ALPK2: variants seen among roughly 807,000 people sequenced by gnomAD.
The protein encoded by ALPK2 is alpha kinase 2.
Under a neutral mutation model 163.1 loss-of-function variants are expected in ALPK2, and 127 were observed. The observed-to-expected ratio is 0.78, with a 90% CI of 0.67 to 0.90. The LOEUF (loss-of-function observed/expected upper bound fraction) is 0.90, where lower values mean the gene tolerates loss of function less well. Among genes scored for constraint, ALPK2 ranks in the 40% least tolerant of loss-of-function variants. The pLI is 0.00. For synonymous variants in ALPK2, 953 were observed against 959.1 expected (o/e 0.99, Z 0.12); for missense variants, 2,360 against 2,589.6 (o/e 0.91, Z 1.92).
At position 58,537,327 on chromosome 18, in the gene ALPK2, C is replaced by T; in HGVS notation, c.2860G>A (p.Val954Met). The change falls in exon 5 of 13, where the codon GTG (valine) becomes ATG (methionine). Residue 954 changes from valine (V) to methionine (M), a missense_variant. Transcript: ENST00000361673. ...TTGTCACCTCCTTCTTTAAATTGCA[C>T]TAAAGGATTGTTCTCAGAAGAAAGG... Reference protein sequence around the residue: ...QLLSSENNPLVQFKEGGDKSP... With the variant: ...QLLSSENNPLMQFKEGGDKSP... The T allele has an allele frequency of 6.2e-7, 1 of 1,614,118 alleles. No homozygotes were observed. Among genetic ancestry groups the T allele is most frequent in the East Asian group, 2.2e-5 (1 of 44,866 alleles).
chr18:58,493,814 G>C (rs576795819), intron 12 of ALPK2, among the ~76,000 whole-genome samples: 1 of 152,320 alleles, frequency 6.6e-6, no homozygotes, highest in East Asian at 1.9e-4. Context: ...CAGCCACTGC[G>C]AGGGGTGTCC....
intron 1 of ALPK2, among the ~76,000 whole-genome samples, chr18:58,612,843 C>T (rs1461222124): frequency 2.6e-5 from 4 of 152,188 alleles, no homozygotes; most frequent in Non-Finnish European, 5.9e-5. Context: ...TACACAGTAG[C>T]GTCCACTTCT....
chr18:58,586,334 C>T (rs771829027), intron 3 of ALPK2, among the ~76,000 whole-genome samples: 5 of 152,028 alleles, frequency 3.3e-5, no homozygotes, highest in Non-Finnish European at 7.4e-5. Flanking sequence ...AGGAAGGATC[C>T]CTGAAAATTC....
chr18:58,599,331 T>TG (rs1221866038), intron 3 of ALPK2, among the ~76,000 whole-genome samples: 7 of 152,188 alleles, frequency 4.6e-5, no homozygotes, highest in Non-Finnish European at 8.8e-5. Flanking sequence ...ATGGCCCTGA[T>TG]GCGTGCCTGC....
At chr18:58,596,423 G>A (rs2052041495) in intron 3 of ALPK2, among the ~76,000 whole-genome samples, 3 of 152,228 alleles carry the variant, frequency 2.0e-5, no homozygotes, top group Admixed American at 2.0e-4. Flanking sequence ...CAGGGCCAAG[G>A]GAGCAGCCTC....
intron 3 of ALPK2, chr18:58,580,778 C>A (rs552932613): frequency 1.8e-6 from 1 of 546,660 alleles, no homozygotes; most frequent in Non-Finnish European, 3.3e-6. Context: ...CTTTCCTCAA[C>A]GCTGCCTCAA....
In ALPK2 at chr18:58,578,843, G is replaced by C; in HGVS notation, c.1933C>G (p.Gln645Glu). The change falls in exon 4 of 13, where the codon CAG (glutamine) becomes GAG (glutamate). Residue 645 changes from glutamine (Q) to glutamate (E), a missense_variant. Transcript: ENST00000361673. Reference protein sequence around the residue: ...MQVNTLFETSQVPDWSDPPQV... With the variant: ...MQVNTLFETSEVPDWSDPPQV... ...GGAGGATCACTCCAGTCTGGAACCT[G>C]GCTTGTTTCAAATAGAGTATTAACT... is the stretch of plus-strand genomic sequence containing the variant. 1 of 1,613,360 alleles carries C rather than the reference G, an allele frequency of 6.2e-7. No individual in the cohort carries two copies. Among genetic ancestry groups the C allele is most frequent in the African/African-American group, 1.3e-5 (1 of 74,724 alleles).
chr18:58,544,394 T>G (rs894836546), intron 4 of ALPK2: 1 of 152,232 alleles, frequency 6.6e-6, no homozygotes, highest in Non-Finnish European at 1.5e-5. Context: ...AAGGTTATGC[T>G]TTTCATCATT....
chr18:58,617,829 C>T (rs760389295), intron 1 of ALPK2, among the ~76,000 whole-genome samples: 13 of 152,194 alleles, frequency 8.5e-5, no homozygotes, highest in Non-Finnish European at 1.8e-4. Context: ...GTAAGGCTCT[C>T]TATCAGCTTT....
intron 9 of ALPK2, among the ~76,000 whole-genome samples, chr18:58,515,773 T>A (rs932359435): frequency 7.2e-5 from 11 of 152,346 alleles, no homozygotes; most frequent in African/African-American, 2.6e-4. Flanking sequence ...TGACTGTACC[T>A]GAGAGATTCA....
At chr18:58,610,275 CAAAAAAAAAAAA>C (rs74183283) in intron 2 of ALPK2, among the ~76,000 whole-genome samples, 2 of 61,900 alleles carry the variant, frequency 3.2e-5, no homozygotes, top group Admixed American at 2.0e-4. Flanking sequence ...GACCCTGTCT[CAAAAAAAAAAAA>C]AAAAAAAAAA....
intron 8 of ALPK2, among the ~76,000 whole-genome samples, chr18:58,521,120 AC>A (rs1310796144): frequency 3.3e-5 from 5 of 152,198 alleles, no homozygotes; most frequent in Non-Finnish European, 7.3e-5. Flanking sequence ...TGAAACTGAC[AC>A]CCCCAGTCAC....
In ALPK2 at chr18:58,535,570, TGA is replaced by T; in HGVS notation, c.4615_4616del (p.Ser1539ThrfsTer4). The T allele has an allele frequency of 6.2e-7, 1 of 1,614,116 alleles. No homozygotes were observed. Among genetic ancestry groups the T allele is most frequent in the Non-Finnish European group, 8.5e-7 (1 of 1,180,000 alleles). On this transcript the variant is annotated frameshift_variant, in exon 5 of 13. Transcript: ENST00000361673. Reference sequence around the variant, plus strand: ...TTATTGGAAGACAACTAGAAAGAGGTGAAGTGGGGGAAATCAATTCTGCTTTG... The same window carrying T: ...TTATTGGAAGACAACTAGAAAGAGGTAGTGGGGGAAATCAATTCTGCTTTG... The part of the protein sequence containing the change: ...KDKAELISPT[S>X]PLSSCLPIMT...
At chr18:58,504,569 A>C (rs1234077242) in intron 10 of ALPK2, among the ~76,000 whole-genome samples, 1 of 152,002 alleles carries the variant, frequency 6.6e-6, no homozygotes, top group African/African-American at 2.4e-5. Flanking sequence ...CATTCAGTCA[A>C]CCAATATTTA....
At chr18:58,520,573 A>G (rs1208136624) in intron 8 of ALPK2, among the ~76,000 whole-genome samples, 2 of 152,070 alleles carry the variant, frequency 1.3e-5, no homozygotes, top group African/African-American at 4.8e-5. Flanking sequence ...CAAATCCTCA[A>G]CTCAGAGAAA....
At position 58,481,597 on chromosome 18, in the gene ALPK2, A is replaced by G. The variant is rs563729172; in HGVS notation, c.*226T>C. On this transcript the variant is annotated 3_prime_UTR_variant, in exon 13 of 13. Coordinates refer to ENST00000361673, the MANE Select transcript of ALPK2 (RefSeq NM_052947.4). ...AAAGAATGGACTGTCTTTGAGACCA[A>G]TCGTTGATTCAATCTCCCCATAAAC... 3.3e-4 allele frequency: 190 copies of G among 571,132 alleles called. 1 individual carries two copies. Among genetic ancestry groups the G allele is most frequent in the African/African-American group, 3.2e-3 (170 of 53,422 alleles). 35.4% of individuals were successfully genotyped at this position (571,132 alleles called of 1,614,324 possible). A position where few individuals can be genotyped will look rare whatever the true frequency, so the allele number is the denominator to read the frequency against.
At chr18:58,610,441 A>G (rs1400682083) in intron 2 of ALPK2, among the ~76,000 whole-genome samples, 1 of 152,106 alleles carries the variant, frequency 6.6e-6, no homozygotes, top group African/African-American at 2.4e-5. Flanking sequence ...CAATTGTTTT[A>G]TGTTTATGTT....
chr18:58,611,601 A>G lies in ALPK2; in HGVS notation c.109+88T>C. 3.4e-6 allele frequency: 4 copies of G among 1,165,892 alleles called. No homozygotes were observed. The South Asian group carries it at 5.5e-5, about 16-fold the overall frequency. The allele number at this position is 1,165,892 out of a possible 1,614,324, so 72.2% of individuals were successfully genotyped here. The stretch of plus-strand genomic sequence containing the variant: ...AAAACTTCCAAGGTAATTTTCCCAA[A>G]TGATGTTTTAGTAATGCCTTTGTGA... On this transcript the variant is annotated intron_variant, in intron 2 of 12. Coordinates refer to ENST00000361673, the MANE Select transcript of ALPK2 (RefSeq NM_052947.4).
chr18:58,522,873 C>G (rs1463654177), intron 8 of ALPK2, among the ~76,000 whole-genome samples: 1 of 151,940 alleles, frequency 6.6e-6, no homozygotes, highest in Non-Finnish European at 1.5e-5. Context: ...CCTACATTCA[C>G]TTTGAATTGG....
Sources: allele counts gnomAD v4.1 joint callset (sites outside exome capture counted in the v4.1 genomes callset), GRCh38; gene constraint gnomAD v4.1.1; transcripts MANE v1.5; gene names NCBI Gene and HGNC (gene_info 2026-07-23, HGNC 2026-07-21).